Variants in CDCP1 observed in about 807,000 individuals in gnomAD.
CDCP1 encodes CUB domain containing protein 1.
CDCP1 carries 29 observed loss-of-function variants against 60.2 expected under a neutral mutation model. The observed-to-expected ratio is 0.48, with a 90% CI of 0.36 to 0.66. CDCP1 has a LOEUF of 0.66. Among genes scored for constraint, CDCP1 ranks in the 30% least tolerant of loss-of-function variants. The probability of loss-of-function intolerance (pLI) is 0.00; values close to 1 mark genes in which losing one functional copy is unlikely to be tolerated. For synonymous variants in CDCP1, 387 were observed against 431.1 expected (o/e 0.90, Z 1.27); for missense variants, 876 against 1,074.3 (o/e 0.82, Z 2.58).
At chr3:45,117,103 T>C (rs1036958017) in intron 2 of CDCP1, among the ~76,000 whole-genome samples, 3 of 152,198 alleles carry the variant, frequency 2.0e-5, no homozygotes, top group Non-Finnish European at 4.4e-5. Context: ...ATACTTCAAT[T>C]TCTCCTTTTA....
rs563098916 is a variant in CDCP1, at chr3:45,114,177, A to G, written c.293-1732T>C. 1.2e-4 allele frequency among the ~76,000 whole-genome samples: 19 copies of G among 152,286 alleles called. No homozygotes were observed. In the East Asian group the frequency reaches 3.3e-3, roughly 26 times the overall value. On this transcript the variant is annotated intron_variant, in intron 2 of 8. Transcript: ENST00000296129. ...GTCAGCAGCCATGTGACACTGTGAG[A>G]GTCAGGTTATGAAAGCAATTTTTCA...
intron 8 of CDCP1, 52 bp from the exon 9 acceptor site, chr3:45,086,119 T>C (rs755295410): frequency 1.3e-6 from 2 of 1,491,104 alleles, no homozygotes; most frequent in Non-Finnish European, 1.8e-6. Context: ...GAATCTTCGA[T>C]GGGTACCATT....
chr3:45,139,842 C>T (rs954148227), intron 1 of CDCP1, among the ~76,000 whole-genome samples: 1 of 152,208 alleles, frequency 6.6e-6, no homozygotes, highest in East Asian at 1.9e-4. Flanking sequence ...CTGGTGGCCA[C>T]TCTGTAGGAG....
intron 3 of CDCP1, 131 bp downstream of exon 3, chr3:45,111,952 G>C (rs1698701201): frequency 1.7e-6 from 2 of 1,185,402 alleles, no homozygotes; most frequent in South Asian, 1.6e-5. Flanking sequence ...ACTTATAAGA[G>C]AGCTAGATCT....
At chr3:45,112,697 G>A (rs1361251135) in intron 2 of CDCP1, among the ~76,000 whole-genome samples, 1 of 152,228 alleles carries the variant, frequency 6.6e-6, no homozygotes, top group Non-Finnish European at 1.5e-5. Flanking sequence ...AGGTGTTGCA[G>A]CCCCTCATGC....
At chr3:45,145,335 A>G (rs1345054843) in intron 1 of CDCP1, among the ~76,000 whole-genome samples, 1 of 152,216 alleles carries the variant, frequency 6.6e-6, no homozygotes, top group South Asian at 2.1e-4. Context: ...CGAAACCTGT[A>G]CTAGCCTCAC....
At chr3:45,086,576 A>G (rs570696259) in intron 8 of CDCP1, among the ~76,000 whole-genome samples, 5 of 152,220 alleles carry the variant, frequency 3.3e-5, no homozygotes, top group Admixed American at 6.5e-5. Context: ...CAAGAGACTC[A>G]GGAGGCCAGG....
At chr3:45,123,686 A>T (rs370673167) in intron 1 of CDCP1, among the ~76,000 whole-genome samples, 28 of 152,318 alleles carry the variant, frequency 1.8e-4, no homozygotes, top group African/African-American at 6.5e-4. Flanking sequence ...CGCTGCAATA[A>T]AAACAGTGGT....
chr3:45,126,151 T>TTTCTTTCTTTC (rs1698987960), intron 1 of CDCP1, among the ~76,000 whole-genome samples: 1 of 142,654 alleles, frequency 7.0e-6, no homozygotes, highest in Non-Finnish European at 1.5e-5. Flanking sequence ...TCTTTCTTTC[T>TTTCTTTCTTTC]TTCTTTCTTT....
At chr3:45,124,473 T>C (rs2126002869) in intron 1 of CDCP1, among the ~76,000 whole-genome samples, 1 of 152,174 alleles carries the variant, frequency 6.6e-6, no homozygotes, top group South Asian at 2.1e-4. Context: ...AGGAGATACA[T>C]ATTAAGATGC....
At chr3:45,128,307 T>G (rs1302482995) in intron 1 of CDCP1, among the ~76,000 whole-genome samples, 2 of 152,228 alleles carry the variant, frequency 1.3e-5, no homozygotes, top group Non-Finnish European at 2.9e-5. Flanking sequence ...CTGCAAAATG[T>G]TGATGAAGGC....
At chr3:45,129,869 A>C (rs1355863124) in intron 1 of CDCP1, among the ~76,000 whole-genome samples, 1 of 152,156 alleles carries the variant, frequency 6.6e-6, no homozygotes, top group Non-Finnish European at 1.5e-5. Context: ...CACACAAAAG[A>C]CTTGATATAA....
intron 4 of CDCP1, among the ~76,000 whole-genome samples, chr3:45,103,376 C>G (rs1698514535): frequency 6.6e-6 from 1 of 152,072 alleles, no homozygotes; most frequent in Non-Finnish European, 1.5e-5. Flanking sequence ...ATTTGTTTAT[C>G]CATTCCTCTG....
chr3:45,121,442 T>TA (rs201632946), intron 1 of CDCP1, among the ~76,000 whole-genome samples: 1 of 152,112 alleles, frequency 6.6e-6, no homozygotes, highest in Admixed American at 6.5e-5. Flanking sequence ...GTGTTATTTG[T>TA]AAAAAAAATT....
At chr3:45,134,484 TG>T (rs1699160646) in intron 1 of CDCP1, among the ~76,000 whole-genome samples, 1 of 152,208 alleles carries the variant, frequency 6.6e-6, no homozygotes, top group South Asian at 2.1e-4. Context: ...GGGACTTGAC[TG>T]GGGAGTGTGG....
chr3:45,128,825 C>G (rs11130046), intron 1 of CDCP1, among the ~76,000 whole-genome samples: 58,652 of 152,066 alleles, frequency 0.39, 13,864 homozygotes, highest in Non-Finnish European at 0.52. Context: ...TCAAGTGATT[C>G]TCCTGCCTCA....
chr3:45,124,968 G>A (rs189841224), intron 1 of CDCP1, among the ~76,000 whole-genome samples: 202 of 152,268 alleles, frequency 1.3e-3, no homozygotes, highest in Middle Eastern at 3.4e-3. Flanking sequence ...GACCCAAATA[G>A]TAATTTTAGG....
chr3:45,094,113 C>A (rs1319588855), intron 5 of CDCP1, among the ~76,000 whole-genome samples: 1 of 152,126 alleles, frequency 6.6e-6, no homozygotes, highest in Non-Finnish European at 1.5e-5. Flanking sequence ...TGTTCTTGGG[C>A]AGGCTACTTT....
intron 1 of CDCP1, among the ~76,000 whole-genome samples, chr3:45,141,807 T>C (rs1699295088): frequency 6.6e-6 from 1 of 151,964 alleles, no homozygotes; most frequent in African/African-American, 2.4e-5. Context: ...ATTTTTATAA[T>C]TTAGAATGAT....
Sources: allele counts gnomAD v4.1 joint callset (sites outside exome capture counted in the v4.1 genomes callset), GRCh38; gene constraint gnomAD v4.1.1; transcripts MANE v1.5; gene names NCBI Gene and HGNC (gene_info 2026-07-23, HGNC 2026-07-21).